The following SLC67A1 variants were observed in gnomAD, a reference collection of about 807,000 sequenced individuals.
The protein encoded by SLC67A1 is solute carrier family 67 member 1.
the SLC67A1 span, chr11:2,925,026 C>T: frequency 9.3e-6 from 15 of 1,612,000 alleles, no homozygotes; most frequent in Non-Finnish European, 1.2e-5. This position sits in a 1 kb window ranked among gnomAD's most constrained non-coding sequence, Gnocchi z 6.5. Context: ...TGCTGGGCCT[C>T]TGCGCCTCTG....
the SLC67A1 span, among the ~76,000 whole-genome samples, chr11:2,913,230 G>A: frequency 6.6e-6 from 1 of 152,188 alleles, no homozygotes; most frequent in Non-Finnish European, 1.5e-5. Flanking sequence ...GCCTTAGTTC[G>A]TGTACCTCGC....
the SLC67A1 span, chr11:2,908,373 A>C: frequency 6.9e-7 from 1 of 1,459,046 alleles, no homozygotes; most frequent in Non-Finnish European, 9.4e-7. Flanking sequence ...ACAGTGACCC[A>C]GGCCCCCTCT....
chr11:2,909,310 G>T, the SLC67A1 span: 1 of 1,533,800 alleles, frequency 6.5e-7, no homozygotes, highest in Admixed American at 2.0e-5. Flanking sequence ...GGGTCTACCT[G>T]CTCTTCGCCT....
chr11:2,908,505 C>G, the SLC67A1 span, among the ~76,000 whole-genome samples: 1 of 152,222 alleles, frequency 6.6e-6, no homozygotes. Flanking sequence ...CTGGTAGGCT[C>G]CCGGGTGTCC....
the SLC67A1 span, among the ~76,000 whole-genome samples, chr11:2,910,298 C>G: frequency 6.6e-6 from 1 of 152,090 alleles, no homozygotes; most frequent in Non-Finnish European, 1.5e-5. Flanking sequence ...TAGAATACAG[C>G]GGCAGACAAC....
the SLC67A1 span, among the ~76,000 whole-genome samples, chr11:2,906,599 G>C: frequency 2.6e-5 from 4 of 151,982 alleles, no homozygotes; most frequent in African/African-American, 9.7e-5. Flanking sequence ...ATCATTCTGA[G>C]CAAACTATCG....
chr11:2,907,780 C>T, the SLC67A1 span, among the ~76,000 whole-genome samples: 1 of 152,154 alleles, frequency 6.6e-6, no homozygotes, highest in Non-Finnish European at 1.5e-5. The surrounding 1 kb of genome is among the most constrained non-coding windows in gnomAD (Gnocchi z 6.7). Flanking sequence ...CCTACTCCTC[C>T]GGAGGGGCTG....
At chr11:2,901,365 C>T in the SLC67A1 span, among the ~76,000 whole-genome samples, 1 of 152,252 alleles carries the variant, frequency 6.6e-6, no homozygotes, top group East Asian at 1.9e-4. Context: ...CGATGTCCGT[C>T]CCACCCTGTC....
chr11:2,902,114 C>A, the SLC67A1 span: 1 of 152,120 alleles, frequency 6.6e-6, no homozygotes, highest in Non-Finnish European at 1.5e-5. Flanking sequence ...GTGGGCGGGG[C>A]AGGGGCGGGT....
chr11:2,920,854 A>G, the SLC67A1 span: 1 of 152,226 alleles, frequency 6.6e-6, no homozygotes, highest in Admixed American at 6.5e-5. Context: ...CTGGATCTGA[A>G]GTCCTTCACG....
chr11:2,903,189 C>A, the SLC67A1 span: 1 of 1,481,336 alleles, frequency 6.8e-7, no homozygotes, highest in Non-Finnish European at 8.9e-7. Flanking sequence ...GGGAGGGGGT[C>A]CTGCAGTGCT....
the SLC67A1 span, among the ~76,000 whole-genome samples, chr11:2,922,767 C>T: frequency 1.3e-5 from 2 of 151,246 alleles, no homozygotes; most frequent in Admixed American, 1.3e-4. Context: ...AGACTCCTGC[C>T]CTACCACCTA....
At chr11:2,905,614 G>A in the SLC67A1 span, among the ~76,000 whole-genome samples, 1 of 152,152 alleles carries the variant, frequency 6.6e-6, no homozygotes, top group African/African-American at 2.4e-5. Flanking sequence ...CTTTGCTATT[G>A]TAAACAGTGC....
At chr11:2,924,622 G>T in the SLC67A1 span, among the ~76,000 whole-genome samples, 3 of 152,250 alleles carry the variant, frequency 2.0e-5, no homozygotes, top group Non-Finnish European at 2.9e-5. The surrounding 1 kb of genome is among the most constrained non-coding windows in gnomAD (Gnocchi z 8.6). Flanking sequence ...GCCTGGCAGG[G>T]CGGGGCCTTC....
chr11:2,917,951 A>G, the SLC67A1 span: 1 of 1,538,176 alleles, frequency 6.5e-7, no homozygotes, highest in Admixed American at 1.8e-5. Context: ...CATTGGGACA[A>G]TGGCCTTTGC....
the SLC67A1 span, among the ~76,000 whole-genome samples, chr11:2,912,087 C>A: frequency 3.3e-5 from 5 of 152,236 alleles, no homozygotes; most frequent in Non-Finnish European, 5.9e-5. Context: ...AGTCCCCGTC[C>A]AAGGCCCAGG....
the SLC67A1 span, chr11:2,919,185 C>A: frequency 1.4e-6 from 1 of 711,412 alleles, no homozygotes; most frequent in Non-Finnish European, 2.5e-6. Context: ...AGGCCCCTCC[C>A]TGAACCAGTC....
the SLC67A1 span, among the ~76,000 whole-genome samples, chr11:2,917,554 CAG>C: frequency 1.4e-4 from 22 of 152,238 alleles, no homozygotes; most frequent in Admixed American, 1.4e-3. Flanking sequence ...CTTGTGGCCA[CAG>C]AGAGTGGTAC....
the SLC67A1 span, chr11:2,922,337 A>G: frequency 6.5e-7 from 1 of 1,542,942 alleles, no homozygotes; most frequent in Non-Finnish European, 8.8e-7. Context: ...GCTCTTCAGC[A>G]GGGACAGCAG....
Sources: allele counts gnomAD v4.1 joint callset (sites outside exome capture counted in the v4.1 genomes callset), GRCh38; gene constraint gnomAD v4.1.1; non-coding constraint Gnocchi (gnomAD v3.1); transcripts MANE v1.5; gene names NCBI Gene and HGNC (gene_info 2026-07-23, HGNC 2026-07-21).